The following THAP4 variants were observed in gnomAD, a reference collection of about 807,000 sequenced individuals.
THAP4 encodes peroxynitrite isomerase THAP4.
THAP4 carries 18 observed loss-of-function variants against 48.1 expected under a neutral mutation model. The observed-to-expected ratio is 0.37, with a 90% CI of 0.26 to 0.56. The LOEUF (loss-of-function observed/expected upper bound fraction) is 0.56. Ranked by LOEUF, THAP4 falls within the 20% of genes least tolerant of loss-of-function variation. THAP4 has a pLI of 0.78. For synonymous variants in THAP4, 345 were observed against 324.9 expected (o/e 1.06, Z -0.66); for missense variants, 656 against 774.9 (o/e 0.85, Z 1.82).
At chr2:241,617,347 T>C (rs1575032410) in intron 2 of THAP4, 1 of 1,252,150 alleles carries the variant, frequency 8.0e-7, no homozygotes, top group Non-Finnish European at 1.1e-6. Context: ...AAAACAAAAA[T>C]TTAAATTTCC....
intron 4 of THAP4, 196 bp from the exon 5 acceptor site, chr2:241,602,195 C>G: frequency 1.6e-6 from 1 of 611,696 alleles, no homozygotes. Context: ...ACAGAACAGG[C>G]AGGTGCTCTA....
Position 241,633,152 on chromosome 2 carries a change from C to G in THAP4, c.1005G>C (p.Ala335=), listed in dbSNP as rs200428745. 5.6e-6 allele frequency: 9 copies of G among 1,609,612 alleles called. No individual in the cohort carries two copies. In the South Asian group the frequency reaches 8.8e-5, roughly 16 times the overall value. The change falls in exon 2 of 6, where the codon GCG becomes GCC. Residue 335 remains alanine (A), a synonymous_variant. Coordinates refer to ENST00000407315, the MANE Select transcript of THAP4 (RefSeq NM_015963.6). The surrounding 1 kb of genome is among the most constrained non-coding windows in gnomAD (Gnocchi z 7.5). The part of the protein sequence containing the change: ...PMSINEVILS[A]SGACKLIDSL... ...AGTCGATGAGCTTGCAGGCCCCTGACGCCGACAGGATGACCTCGTTGATGG... is the reference window on the plus strand; with the variant it reads ...AGTCGATGAGCTTGCAGGCCCCTGAGGCCGACAGGATGACCTCGTTGATGG...
chr2:241,595,155 G>A (rs113980971), intron 5 of THAP4, among the ~76,000 whole-genome samples: 11 of 151,998 alleles, frequency 7.2e-5, no homozygotes, highest in Non-Finnish European at 1.2e-4. Context: ...TGGGATTACA[G>A]GTGCCTGTCA....
intron 2 of THAP4, among the ~76,000 whole-genome samples, chr2:241,607,834 C>T (rs1427745394): frequency 1.6e-5 from 2 of 124,702 alleles, no homozygotes; most frequent in African/African-American, 6.4e-5. Context: ...AAGCAGAAGA[C>T]GGACTGATGG....
chr2:241,602,942 C>A, intron 4 of THAP4, 28 bp downstream of exon 4: 2 of 1,564,758 alleles, frequency 1.3e-6, no homozygotes, highest in Non-Finnish European at 1.8e-6. Flanking sequence ...CCATGGCCAG[C>A]CCTCCCGCCC....
At chr2:241,595,552 G>A (rs1056505103) in intron 5 of THAP4, among the ~76,000 whole-genome samples, 3 of 151,718 alleles carry the variant, frequency 2.0e-5, no homozygotes, top group Admixed American at 6.6e-5. Flanking sequence ...CAGGAGAATC[G>A]CTTGAACCCA....
Position 241,601,748 on chromosome 2 carries a change from C to A in THAP4, c.1614+148G>T. 1 of 1,470,300 alleles carries A rather than the reference C, an allele frequency of 6.8e-7. No individual in the cohort carries two copies. The allele number at this position is 1,470,300 out of a possible 1,614,324, so 91.1% of individuals were successfully genotyped here. A position where few individuals can be genotyped will look rare whatever the true frequency, so the allele number is the denominator to read the frequency against. ...TTAGGGAACATCCACCCTGGATGGTCCGAGAAGGGAAAAGAAGGAGACAGT... is the reference window on the plus strand; with the variant it reads ...TTAGGGAACATCCACCCTGGATGGTACGAGAAGGGAAAAGAAGGAGACAGT... On this transcript the variant is annotated intron_variant, in intron 5 of 5. Transcript: ENST00000407315. The surrounding 1 kb of genome is among the most constrained non-coding windows in gnomAD (Gnocchi z 4.0).
At chr2:241,618,816 G>A (rs919964388) in intron 2 of THAP4, among the ~76,000 whole-genome samples, 1 of 150,994 alleles carries the variant, frequency 6.6e-6, no homozygotes, top group Non-Finnish European at 1.5e-5. Flanking sequence ...TTCTCCCCAC[G>A]AAAAGCCAAG....
intron 5 of THAP4, among the ~76,000 whole-genome samples, chr2:241,587,744 G>GA (rs528063522): frequency 7.0e-4 from 104 of 149,054 alleles, no homozygotes; most frequent in African/African-American, 2.1e-3. Flanking sequence ...CCTGTTCAAA[G>GA]AAAAAAAAAA....
At chr2:241,636,760 G>C (rs1241241389) in intron 1 of THAP4, among the ~76,000 whole-genome samples, 181 bp downstream of exon 1, 1 of 150,526 alleles carries the variant, frequency 6.6e-6, no homozygotes, top group Non-Finnish European at 1.5e-5. Context: ...TGCGCTGCCC[G>C]AGGCGCCCGG....
chr2:241,600,720 T>G (rs1184536246), intron 5 of THAP4, among the ~76,000 whole-genome samples: 2 of 123,180 alleles, frequency 1.6e-5, no homozygotes, highest in Non-Finnish European at 3.2e-5. Context: ...AGAGTGAGAC[T>G]CCGTCTCAAA....
At position 241,603,013 on chromosome 2, in the gene THAP4, C is replaced by T. The variant is rs2067135700; in HGVS notation, c.1467G>A (p.Lys489=). Residue 489 remains lysine (K), a synonymous_variant, in exon 4 of 6, where the codon AAG becomes AAA. Transcript: ENST00000407315. ...MHRECGFIRL[K]PDTNKVAFVS... ...CAAAGGCCACCTTGTTGGTGTCGGG[C>T]TTGAGGCGAATGAAGCCACACTCTC... The T allele has an allele frequency of 2.5e-6, 4 of 1,614,036 alleles. No homozygotes were observed. Among genetic ancestry groups the T allele is most frequent in the Non-Finnish European group, 3.4e-6 (4 of 1,179,996 alleles).
At chr2:241,591,176 C>G (rs991917820) in intron 5 of THAP4, among the ~76,000 whole-genome samples, 1 of 151,994 alleles carries the variant, frequency 6.6e-6, no homozygotes, top group Admixed American at 6.5e-5. Flanking sequence ...CACTAGGACA[C>G]TCAGAGCTGC....
intron 2 of THAP4, among the ~76,000 whole-genome samples, chr2:241,632,713 C>T (rs2067581456): frequency 6.6e-6 from 1 of 152,218 alleles, no homozygotes; most frequent in African/African-American, 2.4e-5. Context: ...CACACAGATG[C>T]CTCTTGTGGG....
intron 2 of THAP4, among the ~76,000 whole-genome samples, chr2:241,630,603 A>G (rs540350365): frequency 7.2e-5 from 11 of 152,112 alleles, no homozygotes; most frequent in Non-Finnish European, 1.5e-4. Context: ...ACATGGAGAA[A>G]CCACTGTCTC....
At chr2:241,606,595 C>T (rs2067187148) in intron 2 of THAP4, 122 bp from the exon 3 acceptor site, 2 of 974,784 alleles carry the variant, frequency 2.1e-6, no homozygotes, top group Non-Finnish European at 2.9e-6. Context: ...TCCTGGGGGA[C>T]CTGTCAAGAG....
At chr2:241,607,117 G>A (rs1481438772) in intron 2 of THAP4, among the ~76,000 whole-genome samples, 2 of 152,072 alleles carry the variant, frequency 1.3e-5, no homozygotes, top group Non-Finnish European at 2.9e-5. Context: ...CTGTGTAGTG[G>A]CCAGGAGACC....
chr2:241,603,231 T>C, intron 3 of THAP4, 152 bp from the exon 4 acceptor site: 1 of 646,670 alleles, frequency 1.5e-6, no homozygotes, highest in South Asian at 1.7e-5. Flanking sequence ...TTGCTCATTT[T>C]GGCTGTGTCT....
In THAP4 at chr2:241,637,089, G is replaced by A. The variant is rs1047564449; in HGVS notation, c.-72C>T. The stretch of plus-strand genomic sequence containing the variant: ...CCGCCCGCCCGCGGACCGCCCCGAG[G>A]GAGGGAGCGCGGCGGCGACACGGCT... On this transcript the variant is annotated 5_prime_UTR_variant, in exon 1 of 6. Coordinates refer to ENST00000407315, the MANE Select transcript of THAP4 (RefSeq NM_015963.6). The A allele has an allele frequency of 3.8e-5, 39 of 1,033,450 alleles. 1 individual carries two copies. The highest frequency in any genetic ancestry group is 4.2e-4 in the Middle Eastern group (1 of 2,372). 64.0% of individuals were successfully genotyped at this position (1,033,450 alleles called of 1,614,324 possible).
Sources: allele counts gnomAD v4.1 joint callset (sites outside exome capture counted in the v4.1 genomes callset), GRCh38; gene constraint gnomAD v4.1.1; non-coding constraint Gnocchi (gnomAD v3.1); transcripts MANE v1.5; gene names NCBI Gene and HGNC (gene_info 2026-07-23, HGNC 2026-07-21).